Variants in NMNAT2 observed in about 807,000 individuals in gnomAD.
NMNAT2 encodes nicotinamide nucleotide adenylyltransferase 2.
In NMNAT2, 11 loss-of-function variants were observed where a neutral mutation model predicts 41.6. The observed-to-expected ratio is 0.26, with a 90% CI of 0.17 to 0.44. The LOEUF (loss-of-function observed/expected upper bound fraction) is 0.44. Among genes scored for constraint, NMNAT2 ranks in the 20% least tolerant of loss-of-function variants. The pLI, the probability that NMNAT2 is intolerant of heterozygous loss-of-function variation, is 1.00. For synonymous variants in NMNAT2, 148 were observed against 151.2 expected (o/e 0.98, Z 0.16); for missense variants, 288 against 407.7 (o/e 0.71, Z 2.53).
At chr1:183,303,790 C>T (rs1661926896) in intron 1 of NMNAT2, among the ~76,000 whole-genome samples, 2 of 152,198 alleles carry the variant, frequency 1.3e-5, no homozygotes, top group Admixed American at 1.3e-4. Flanking sequence ...GAAGTTTGAT[C>T]CATATGTGGG....
At chr1:183,319,121 G>A (rs1401589257) in intron 1 of NMNAT2, among the ~76,000 whole-genome samples, 1 of 152,156 alleles carries the variant, frequency 6.6e-6, no homozygotes, top group East Asian at 1.9e-4. Flanking sequence ...CTATGCTGAA[G>A]TAGAAGTCAA....
At chr1:183,336,901 T>A (rs1170514475) in intron 1 of NMNAT2, among the ~76,000 whole-genome samples, 1 of 152,216 alleles carries the variant, frequency 6.6e-6, no homozygotes, top group Non-Finnish European at 1.5e-5. Context: ...ATCTACTACT[T>A]GCAAGAACAC....
intron 8 of NMNAT2, among the ~76,000 whole-genome samples, chr1:183,277,157 C>T (rs553894333): frequency 3.9e-5 from 6 of 152,240 alleles, no homozygotes; most frequent in Non-Finnish European, 7.3e-5. Context: ...TTATTAGGCT[C>T]ATTTCAGGGA....
At chr1:183,271,471 A>G (rs1660987335) in intron 8 of NMNAT2, among the ~76,000 whole-genome samples, 1 of 152,216 alleles carries the variant, frequency 6.6e-6, no homozygotes, top group Admixed American at 6.5e-5. Context: ...ACGGTCAGGT[A>G]CTTTGTCTAC....
chr1:183,327,807 TTG>T (rs1553215370), intron 1 of NMNAT2, among the ~76,000 whole-genome samples: 1 of 152,156 alleles, frequency 6.6e-6, no homozygotes, highest in Non-Finnish European at 1.5e-5. Context: ...CTGCTGTTTT[TTG>T]TGTGTGTATG....
rs562354126 is a variant in NMNAT2 at position 183,276,793 on chromosome 1, T to C, written c.651+1760A>G. Reference sequence around the variant, plus strand: ...GAACTTTGCCCGCATTACTTTTGACTTTCATAGCTCCTTGTGAATTAGCCA... The same window carrying C: ...GAACTTTGCCCGCATTACTTTTGACCTTCATAGCTCCTTGTGAATTAGCCA... On this transcript the variant is annotated intron_variant, in intron 8 of 10. Transcript: ENST00000287713. Among the ~76,000 whole-genome samples, 3 of 152,402 alleles carry C rather than the reference T, an allele frequency of 2.0e-5. No homozygotes were observed. In the East Asian group the frequency reaches 5.8e-4, roughly 29 times the overall value.
intron 1 of NMNAT2, among the ~76,000 whole-genome samples, chr1:183,409,374 T>A (rs1372617684): frequency 6.6e-6 from 1 of 152,118 alleles, no homozygotes; most frequent in Non-Finnish European, 1.5e-5. Context: ...TAGAGCACAG[T>A]GGCATGATCA....
chr1:183,282,240 CAGGGAAGCCAG>C (rs1213652492), intron 7 of NMNAT2, among the ~76,000 whole-genome samples: 1 of 152,232 alleles, frequency 6.6e-6, no homozygotes, highest in Non-Finnish European at 1.5e-5. Flanking sequence ...GGCAGAGCCT[CAGGGAAGCCAG>C]AGGTGAGAGG....
chr1:183,328,287 C>T (rs12033696), intron 1 of NMNAT2, among the ~76,000 whole-genome samples: 68,145 of 152,072 alleles, frequency 0.45, 16,284 homozygotes, highest in East Asian at 0.78. Flanking sequence ...CTCCAGAAGC[C>T]TTGGAGGGGC....
chr1:183,346,705 T>A (rs1462295664), intron 1 of NMNAT2, among the ~76,000 whole-genome samples: 1 of 152,224 alleles, frequency 6.6e-6, no homozygotes, highest in African/African-American at 2.4e-5. Context: ...TCCTCAGCCC[T>A]TTTTTGTCTG....
At chr1:183,334,710 A>G (rs929796502) in intron 1 of NMNAT2, among the ~76,000 whole-genome samples, 2 of 151,802 alleles carry the variant, frequency 1.3e-5, no homozygotes, top group Non-Finnish European at 2.9e-5. Context: ...GGGTTTCACC[A>G]TGTTGGCCAG....
chr1:183,283,557 C>T lies in NMNAT2; in HGVS notation c.574+438G>A, dbSNP rs1035349642. 4 of 300,148 alleles carry T rather than the reference C, an allele frequency of 1.3e-5. No individual in the cohort carries two copies. The Admixed American group carries it at 1.4e-4, about 11-fold the overall frequency. 18.6% of individuals were successfully genotyped at this position (300,148 alleles called of 1,614,324 possible). A position where few individuals can be genotyped will look rare whatever the true frequency, so the allele number is the denominator to read the frequency against. ...AGACAGTGAAGTGCCTTAGCCTCTG[C>T]CCAAGGCTGCAAGGGAGGTGTGGAG... On this transcript the variant is annotated intron_variant, in intron 7 of 10. Transcript: ENST00000287713.
At chr1:183,320,388 G>A (rs640877) in intron 1 of NMNAT2, among the ~76,000 whole-genome samples, 40,259 of 152,070 alleles carry the variant, frequency 0.26, 6,033 homozygotes, top group African/African-American at 0.41. Flanking sequence ...AGATCGCCCT[G>A]AGGTCAGGAG....
In NMNAT2 at chr1:183,249,008, T is replaced by G. The variant is rs1276470735; in HGVS notation, c.*3633A>C. On this transcript the variant is annotated 3_prime_UTR_variant, in exon 11 of 11. Transcript: ENST00000287713. The stretch of plus-strand genomic sequence containing the variant: ...TGTAATTCTCTGCCTTTTGCTGTAG[T>G]TCAGTTATTATTGAGTCTCACTTTC... The G allele has an allele frequency of 6.6e-6, 1 of 151,832 alleles. No homozygotes were observed. Among genetic ancestry groups the G allele is most frequent in the Non-Finnish European group, 1.5e-5 (1 of 67,966 alleles). The allele number at this position is 151,832 out of a possible 1,614,324, so 9.4% of individuals were successfully genotyped here. A position where few individuals can be genotyped will look rare whatever the true frequency, so the allele number is the denominator to read the frequency against.
intron 10 of NMNAT2, among the ~76,000 whole-genome samples, chr1:183,259,604 TTTTG>T (rs1346327764): frequency 6.6e-6 from 1 of 151,596 alleles, no homozygotes; most frequent in South Asian, 2.1e-4. Flanking sequence ...CCTATAATTT[TTTTG>T]TGTGTGTGTG....
intron 8 of NMNAT2, among the ~76,000 whole-genome samples, chr1:183,269,061 C>A (rs1003942958): frequency 1.3e-5 from 2 of 152,050 alleles, no homozygotes; most frequent in South Asian, 2.1e-4. Flanking sequence ...TAGAGTGTGA[C>A]CCTGTCTCTG....
At chr1:183,346,298 T>TGCCTTTCCTC (rs1484882703) in intron 1 of NMNAT2, among the ~76,000 whole-genome samples, 3 of 152,158 alleles carry the variant, frequency 2.0e-5, no homozygotes, top group Admixed American at 2.0e-4. Flanking sequence ...TACCTTTACT[T>TGCCTTTCCTC]GCCTTTCCTC....
chr1:183,292,694 A>C, intron 3 of NMNAT2, 96 bp downstream of exon 3: 2 of 1,140,086 alleles, frequency 1.8e-6, no homozygotes, highest in African/African-American at 1.5e-5. Context: ...CCATCCTTTC[A>C]GGATCCAAAT....
chr1:183,283,959 T>G, intron 7 of NMNAT2, 36 bp downstream of exon 7: 1 of 1,610,190 alleles, frequency 6.2e-7, no homozygotes. Flanking sequence ...GAGCTCCAAA[T>G]GTCCCCATTT....
Sources: gnomAD v4.1 joint callset for allele counts (sites outside exome capture counted in the v4.1 genomes callset) on GRCh38, gnomAD v4.1.1 for gene constraint, MANE v1.5 for transcripts, NCBI Gene and HGNC (gene_info 2026-07-23, HGNC 2026-07-21) for gene names.